FANCA: variants seen among roughly 807,000 people sequenced by gnomAD.
FANCA encodes Fanconi anemia group A protein.
A neutral mutation model predicts 194.3 loss-of-function variants in FANCA; 236 were observed. The observed-to-expected ratio is 1.21, with a 90% CI of 1.09 to 1.35. FANCA has a LOEUF of 1.35. Ranked by LOEUF, FANCA falls within the 40% of genes most tolerant of loss-of-function variation. The pLI, the probability that FANCA is intolerant of heterozygous loss-of-function variation, is 0.00. For synonymous variants in FANCA, 1,014 were observed against 715.8 expected, an observed-to-expected ratio of 1.42 and a Z score of -6.65; for missense variants, 2,628 against 1,813.9, an observed-to-expected ratio of 1.45 and a Z score of -8.15.
At position 89,792,075 on chromosome 16, in the gene FANCA, T is replaced by G. The variant is rs543350684; in HGVS notation, c.1084-7A>C. The G allele has an allele frequency of 6.2e-7, 1 of 1,614,178 alleles. No homozygotes were observed. The highest frequency in any genetic ancestry group is 1.1e-5 in the South Asian group (1 of 91,080). ...CACTCAGCATCACAAAGAGCTGAAA[T>G]AAAAGCATCCGCTCCCTTCAATATC... On this transcript the variant is annotated splice_polypyrimidine_tract_variant and splice_region_variant and intron_variant, in intron 12 of 42. Transcript: ENST00000389301.
intron 37 of FANCA, among the ~76,000 whole-genome samples, chr16:89,742,044 C>T (rs1044828562): frequency 6.6e-6 from 1 of 152,062 alleles, no homozygotes; most frequent in Non-Finnish European, 1.5e-5. Context: ...TGGCTCACTG[C>T]AGCCTCTGCC....
chr16:89,799,477 G>A, intron 9 of FANCA, 128 bp downstream of exon 9: 1 of 1,046,286 alleles, frequency 9.6e-7, no homozygotes, highest in Non-Finnish European at 1.5e-6. Flanking sequence ...GGGCATTCCA[G>A]TACCAGGACT....
intron 30 of FANCA, among the ~76,000 whole-genome samples, chr16:89,756,189 C>T (rs1029448189): frequency 6.6e-6 from 1 of 152,104 alleles, no homozygotes; most frequent in Non-Finnish European, 1.5e-5. Context: ...ACCCAGTTTT[C>T]AAATGGGCTA....
At chr16:89,743,092 T>G (rs2062174865) in intron 36 of FANCA, among the ~76,000 whole-genome samples, 154 bp from the exon 37 acceptor site, 1 of 152,182 alleles carries the variant, frequency 6.6e-6, no homozygotes, top group Non-Finnish European at 1.5e-5. Context: ...TAGGTCTGCA[T>G]CCCCCAGGTC....
At chr16:89,738,858 C>T in intron 42 of FANCA, 24 bp downstream of exon 42, 1 of 1,614,228 alleles carries the variant, frequency 6.2e-7, no homozygotes, top group Non-Finnish European at 8.5e-7. Flanking sequence ...CCCACATGGC[C>T]CAAGGTGGGC....
At chr16:89,782,975 G>T (rs755172085) in intron 16 of FANCA, 32 bp downstream of exon 16, 2 of 1,611,308 alleles carry the variant, frequency 1.2e-6, no homozygotes, top group Non-Finnish European at 1.7e-6. Flanking sequence ...GCTGGGACAG[G>T]TGTGAGGAGT....
In FANCA at chr16:89,767,288, T is replaced by G. The variant is rs767850312; in HGVS notation, c.2505-51A>C. On this transcript the variant is annotated intron_variant, in intron 26 of 42. Transcript: ENST00000389301. Reference sequence around the variant, plus strand: ...AATGTAATCCATACAAAATAAGGGATGAAGGAAAAAGTTACTTTGAATTTC... The same window carrying G: ...AATGTAATCCATACAAAATAAGGGAGGAAGGAAAAAGTTACTTTGAATTTC... The G allele has an allele frequency of 3.1e-5, 41 of 1,319,386 alleles. No homozygotes were observed. The African/African-American group carries it at 4.8e-4, about 15-fold the overall frequency. 81.7% of individuals were successfully genotyped at this position (1,319,386 alleles called of 1,614,324 possible). A position where few individuals can be genotyped will look rare whatever the true frequency, so the allele number is the denominator to read the frequency against.
intron 16 of FANCA, 43 bp downstream of exon 16, chr16:89,782,964 T>G (rs758577499): frequency 1.2e-6 from 2 of 1,612,866 alleles, no homozygotes; most frequent in Non-Finnish European, 1.7e-6. Flanking sequence ...AAGCAGTTTC[T>G]GCTGGGACAG....
At chr16:89,811,331 G>A (rs1410199431) in intron 3 of FANCA, among the ~76,000 whole-genome samples, 2 of 152,210 alleles carry the variant, frequency 1.3e-5, no homozygotes, top group Admixed American at 6.5e-5. Context: ...TGACACAAAA[G>A]GAGCAAGATA....
Position 89,803,378 on chromosome 16 carries a change from C to A in FANCA, c.710-37G>T, listed in dbSNP as rs745479296. On this transcript the variant is annotated intron_variant, in intron 7 of 42. Transcript: ENST00000389301. ...TAAAACCAAAGTTATTTATGGACAT[C>A]ATGGTCTCCAAGCAACTGTGAATGG... 3 of 1,574,408 alleles carry A rather than the reference C, an allele frequency of 1.9e-6. No homozygotes were observed. In the African/African-American group the frequency reaches 4.0e-5, roughly 21 times the overall value.
chr16:89,779,582 C>A (rs574258008), intron 18 of FANCA, among the ~76,000 whole-genome samples: 13 of 152,306 alleles, frequency 8.5e-5, no homozygotes, highest in African/African-American at 3.1e-4. Context: ...AAAAATGTTT[C>A]ACAGCAAATG....
At chr16:89,780,763 T>C (rs1312444655) in intron 17 of FANCA, among the ~76,000 whole-genome samples, 1 of 151,848 alleles carries the variant, frequency 6.6e-6, no homozygotes, top group African/African-American at 2.4e-5. Context: ...ACCCTATGTC[T>C]GCAAAAAATT....
rs1292223325 is a variant in FANCA at position 89,769,874 on chromosome 16, T to A, written c.2467A>T (p.Thr823Ser). The change falls in exon 26 of 43, where the codon ACC (threonine) becomes TCC (serine). Residue 823 changes from threonine (T) to serine (S), a missense_variant. Transcript: ENST00000389301. ...PVPALFDSLLTCRTRDSLFFC... is the reference protein window; with the variant it reads ...PVPALFDSLLSCRTRDSLFFC... ...AACAAGGAATCCCTCGTCCTACAGG[T>A]CAGGAGGCTGTCAAAGAGCGCAGGG... 6 of 1,613,870 alleles carry A rather than the reference T, an allele frequency of 3.7e-6. No homozygotes were observed. The highest frequency in any genetic ancestry group is 4.2e-6 in the Non-Finnish European group (5 of 1,179,994).
chr16:89,738,210 C>T lies in FANCA; in HGVS notation c.*391G>A, dbSNP rs779866663. ...CTGGGCCACCGAGCCCCTCTGTGAC[C>T]ACAGAGGGCCAGGCGGTGAAGCCCG... On this transcript the variant is annotated 3_prime_UTR_variant, in exon 43 of 43. Coordinates refer to ENST00000389301, the MANE Select transcript of FANCA (RefSeq NM_000135.4). The T allele has an allele frequency of 3.7e-6, 6 of 1,610,354 alleles. No individual in the cohort carries two copies. Among genetic ancestry groups the T allele is most frequent in the East Asian group, 2.2e-5 (1 of 44,654 alleles).
At chr16:89,749,927 C>T (rs774603980) in intron 31 of FANCA, 25 bp from the exon 32 acceptor site, 1 of 1,613,188 alleles carries the variant, frequency 6.2e-7, no homozygotes, top group African/African-American at 1.3e-5. Context: ...TATGCTGGCA[C>T]AGGAAGGCCT....
chr16:89,739,006 G>T, intron 41 of FANCA, 32 bp from the exon 42 acceptor site: 1 of 1,614,134 alleles, frequency 6.2e-7, no homozygotes, highest in East Asian at 2.2e-5. Context: ...TCACAGGTTA[G>T]AAGACATACA....
intron 8 of FANCA, among the ~76,000 whole-genome samples, 170 bp downstream of exon 8, chr16:89,803,089 C>T (rs1011376570): frequency 1.3e-5 from 2 of 152,162 alleles, no homozygotes; most frequent in African/African-American, 4.8e-5. Context: ...GACGGAGACT[C>T]TAAACACCCT....
Position 89,772,775 on chromosome 16 carries a change from C to A in FANCA, c.2014+496G>T, listed in dbSNP as rs150898624. On this transcript the variant is annotated intron_variant, in intron 22 of 42. Transcript: ENST00000389301. ...CGGAGGTTGCAGTGAGCCGAGATGG[C>A]GCCACTGCACTCCAGCCTGGGGGAC... Among the ~76,000 whole-genome samples the A allele has an allele frequency of 4.3e-3, 646 of 151,428 alleles. 3 individuals carry two copies. The highest frequency in any genetic ancestry group is 0.015 in the African/African-American group (605 of 41,238).
In FANCA at chr16:89,791,933, G is replaced by C. The variant is rs748005916; in HGVS notation, c.1219C>G (p.Leu407Val). The stretch of plus-strand genomic sequence containing the variant: ...GGCTCGCGTAAAAGCTCACCTTCAA[G>C]CAGCTGCTGCGCTTCTGGAAAGCAG... ...VVCFPEAQQL[L>V]EDWVARLMAQ... Residue 407 changes from leucine to valine, a missense_variant, in exon 13 of 43, where the codon CTT becomes GTT. Transcript: ENST00000389301. 1.2e-5 allele frequency: 20 copies of C among 1,614,002 alleles called. No individual in the cohort carries two copies. The South Asian group carries it at 1.3e-4, about 11-fold the overall frequency.
Sources: allele counts gnomAD v4.1 joint callset (sites outside exome capture counted in the v4.1 genomes callset), GRCh38; gene constraint gnomAD v4.1.1; transcripts MANE v1.5; gene names NCBI Gene and HGNC (gene_info 2026-07-23, HGNC 2026-07-21).